AKAP7: variants seen among roughly 807,000 people sequenced by gnomAD.
AKAP7 encodes A kinase (PRKA) anchor protein 7.
In AKAP7, 39 loss-of-function variants were observed where a neutral mutation model predicts 39.5. That is an observed-to-expected ratio of 0.99 (90% confidence interval 0.76 to 1.29). The LOEUF is 1.29. Among genes scored for constraint, AKAP7 ranks in the 50% most tolerant of loss-of-function variants. AKAP7 has a pLI of 0.00. For missense variants in AKAP7, 414 were observed against 407.7 expected (o/e 1.02, Z -0.13); for synonymous variants, 140 against 139.1 (o/e 1.01, Z -0.05).
At chr6:131,263,525 G>A (rs908284018) in intron 7 of AKAP7, among the ~76,000 whole-genome samples, 1 of 152,216 alleles carries the variant, frequency 6.6e-6, no homozygotes, top group African/African-American at 2.4e-5. Flanking sequence ...ATTGTAATTT[G>A]TGTGTTATGG....
At chr6:131,146,728 T>C (rs1041072755) in intron 2 of AKAP7, among the ~76,000 whole-genome samples, 2 of 152,244 alleles carry the variant, frequency 1.3e-5, no homozygotes, top group Admixed American at 6.5e-5. Flanking sequence ...TCATCTGCTT[T>C]AGTCTCTTCA....
At position 131,281,429 on chromosome 6, in the gene AKAP7, A is replaced by T; in HGVS notation, c.851-101A>T. ...GTTCTTGAATTTATAGATCCAATTT[A>T]CACTTGCTCTTTTTAACCAATGGAA... On this transcript the variant is annotated intron_variant, in intron 7 of 7. Transcript: ENST00000431975. The surrounding 1 kb of genome is among the most constrained non-coding windows in gnomAD (Gnocchi z 4.0). The T allele has an allele frequency of 1.1e-6, 1 of 930,404 alleles. No individual in the cohort carries two copies. The highest frequency in any genetic ancestry group is 1.6e-6 in the Non-Finnish European group (1 of 642,396). 57.6% of individuals were successfully genotyped at this position (930,404 alleles called of 1,614,324 possible).
intron 6 of AKAP7, among the ~76,000 whole-genome samples, chr6:131,207,544 A>T (rs1271377208): frequency 8.1e-6 from 1 of 123,338 alleles, no homozygotes; most frequent in Non-Finnish European, 1.6e-5. Flanking sequence ...TATGTTGCCC[A>T]GGCTGGTCTT....
rs1296712110 is a variant in AKAP7 at position 131,186,278 on chromosome 6, T to C, written c.590-13183T>C. 3.9e-5 allele frequency among the ~76,000 whole-genome samples: 6 copies of C among 152,206 alleles called. No individual in the cohort carries two copies. In the East Asian group the frequency reaches 1.2e-3, roughly 29 times the overall value. On this transcript the variant is annotated intron_variant, in intron 5 of 7. Transcript: ENST00000431975. The stretch of plus-strand genomic sequence containing the variant: ...CTCTCTTATTCCTGCTCCCACCCTG[T>C]GAGATGCCCGCTCCCCTGTGCCTTC...
intron 5 of AKAP7, among the ~76,000 whole-genome samples, chr6:131,190,629 A>C (rs1806317395): frequency 6.6e-6 from 1 of 151,618 alleles, no homozygotes; most frequent in African/African-American, 2.4e-5. Context: ...TGGGTGACGG[A>C]GCGAGATTCT....
chr6:131,231,836 T>C (rs1051152432), intron 7 of AKAP7, among the ~76,000 whole-genome samples: 1 of 152,204 alleles, frequency 6.6e-6, no homozygotes, highest in Non-Finnish European at 1.5e-5. Flanking sequence ...TTTTGCATCC[T>C]AAGTGTGCCC....
chr6:131,196,661 C>G (rs547874682), intron 5 of AKAP7, among the ~76,000 whole-genome samples: 11 of 152,136 alleles, frequency 7.2e-5, no homozygotes, highest in Non-Finnish European at 1.5e-4. Flanking sequence ...TTCCTATGTT[C>G]CAGTTTTCTT....
Position 131,184,912 on chromosome 6 carries a change from T to G in AKAP7, c.590-14549T>G. 11 of 914,058 alleles carry G rather than the reference T, an allele frequency of 1.2e-5. 1 individual carries two copies. The South Asian group carries it at 1.4e-4, about 12-fold the overall frequency. The allele number at this position is 914,058 out of a possible 1,614,324, so 56.6% of individuals were successfully genotyped here. A position where few individuals can be genotyped will look rare whatever the true frequency, so the allele number is the denominator to read the frequency against. Reference sequence around the variant, plus strand: ...CTCCAGGTTGGAAGCATCCAGCTCCTTATGGGCACTGCCACACCTTTACCC... The same window carrying G: ...CTCCAGGTTGGAAGCATCCAGCTCCGTATGGGCACTGCCACACCTTTACCC... On this transcript the variant is annotated intron_variant, in intron 5 of 7. Coordinates refer to ENST00000431975, the MANE Select transcript of AKAP7 (RefSeq NM_016377.4).
chr6:131,182,642 G>C (rs1179802913), intron 5 of AKAP7, among the ~76,000 whole-genome samples: 1 of 152,160 alleles, frequency 6.6e-6, no homozygotes, highest in Non-Finnish European at 1.5e-5. Context: ...CTTGAGTTCA[G>C]ATCTTTTGGA....
intron 7 of AKAP7, among the ~76,000 whole-genome samples, chr6:131,233,992 TG>T (rs1810832919): frequency 6.6e-6 from 1 of 152,162 alleles, no homozygotes. Context: ...AAAATATGAA[TG>T]GGGGTAGTGA....
intron 1 of AKAP7, among the ~76,000 whole-genome samples, chr6:131,138,429 G>A (rs1224637849): frequency 1.3e-5 from 2 of 152,076 alleles, no homozygotes; most frequent in Non-Finnish European, 2.9e-5. Flanking sequence ...CTTGTTATTA[G>A]GCATTTAAGT....
intron 7 of AKAP7, among the ~76,000 whole-genome samples, chr6:131,226,469 A>C (rs1392055930): frequency 6.6e-6 from 1 of 152,230 alleles, no homozygotes; most frequent in Non-Finnish European, 1.5e-5. Context: ...AATTCAAATA[A>C]TTAATAAAAA....
chr6:131,232,081 G>A (rs1810672066), intron 7 of AKAP7, among the ~76,000 whole-genome samples: 1 of 152,134 alleles, frequency 6.6e-6, no homozygotes, highest in African/African-American at 2.4e-5. Context: ...CTAACACAAA[G>A]GGGCAGCTGT....
chr6:131,166,039 G>C (rs949370580), intron 4 of AKAP7, among the ~76,000 whole-genome samples: 1 of 151,996 alleles, frequency 6.6e-6, no homozygotes, highest in Non-Finnish European at 1.5e-5. Context: ...TTGAGGAAAA[G>C]GTAAAATAAA....
At chr6:131,218,714 C>T (rs559005300) in intron 6 of AKAP7, among the ~76,000 whole-genome samples, 1 of 152,084 alleles carries the variant, frequency 6.6e-6, no homozygotes, top group Non-Finnish European at 1.5e-5. Context: ...AAGGGCATCC[C>T]ACTGTAATTT....
chr6:131,179,183 G>GT (rs1352337003), intron 5 of AKAP7, among the ~76,000 whole-genome samples: 1 of 151,180 alleles, frequency 6.6e-6, no homozygotes, highest in Non-Finnish European at 1.5e-5. Context: ...TTTTTTGTTT[G>GT]TTTGTTTTGA....
At chr6:131,252,929 C>A in intron 7 of AKAP7, 1 of 1,048,452 alleles carries the variant, frequency 9.5e-7, no homozygotes, top group Non-Finnish European at 1.5e-6. Flanking sequence ...AATTCTGTAA[C>A]AGGCGGTGGC....
intron 7 of AKAP7, among the ~76,000 whole-genome samples, chr6:131,231,341 G>C (rs1810606527): frequency 6.6e-6 from 1 of 151,926 alleles, no homozygotes; most frequent in South Asian, 2.1e-4. Flanking sequence ...TTGTATGATA[G>C]GCAGGACCAA....
chr6:131,274,788 C>G (rs1454772867), intron 7 of AKAP7, among the ~76,000 whole-genome samples: 1 of 152,202 alleles, frequency 6.6e-6, no homozygotes, highest in Non-Finnish European at 1.5e-5. Flanking sequence ...GGAATACTTC[C>G]AGTACTCCAA....
Sources: gnomAD v4.1 joint callset for allele counts (sites outside exome capture counted in the v4.1 genomes callset) on GRCh38, gnomAD v4.1.1 for gene constraint, Gnocchi (gnomAD v3.1) non-coding constraint, MANE v1.5 for transcripts, NCBI Gene and HGNC (gene_info 2026-07-23, HGNC 2026-07-21) for gene names.